The following TACC3 variants were observed in gnomAD, a reference collection of about 807,000 sequenced individuals.
TACC3 encodes transforming acidic coiled-coil-containing protein 3.
Under a neutral mutation model 86.0 loss-of-function variants are expected in TACC3, and 52 were observed. The observed-to-expected ratio is 0.60, with a 90% CI of 0.48 to 0.76. The LOEUF is 0.76. Ranked by LOEUF, TACC3 falls within the 30% of genes least tolerant of loss-of-function variation. The pLI, the probability that TACC3 is intolerant of heterozygous loss-of-function variation, is 0.00. For missense variants in TACC3, 1,120 were observed against 1,070.4 expected (o/e 1.05, Z -0.65); for synonymous variants, 512 against 430.0 (o/e 1.19, Z -2.36).
chr4:1,737,498 C>CT, intron 9 of TACC3, 100 bp from the exon 10 acceptor site: 2 of 1,153,040 alleles, frequency 1.7e-6, no homozygotes, highest in South Asian at 3.1e-5. Flanking sequence ...CATGCACTGT[C>CT]TGAGGCTCTT....
chr4:1,730,661 C>T, intron 4 of TACC3: 1 of 678,418 alleles, frequency 1.5e-6, no homozygotes, highest in Non-Finnish European at 2.7e-6. Flanking sequence ...GCCTGCTTCT[C>T]CCAGAGCTGG....
At chr4:1,737,471 C>T (rs1016003281) in intron 9 of TACC3, 127 bp from the exon 10 acceptor site, 132 of 1,084,506 alleles carry the variant, frequency 1.2e-4, no homozygotes, top group Non-Finnish European at 1.5e-4. Context: ...TCCCTCGCCG[C>T]ACTGTCTCGG....
Position 1,737,667 on chromosome 4 carries a change from C to T in TACC3, c.1906C>T (p.Leu636=), listed in dbSNP as rs1371867285. The part of the protein sequence containing the change: ...PPLSTGPIVD[L]LQYSQKDLDA... ...CCTGTCCACCGGACCTATAGTGGAC[C>T]TGCTCCAGTACAGCCAGAAGGACCT... The change falls in exon 10 of 16, where the codon CTG becomes TTG. Residue 636 remains leucine (L), a synonymous_variant. Transcript: ENST00000313288. 5 of 1,550,506 alleles carry T rather than the reference C, an allele frequency of 3.2e-6. No homozygotes were observed. The highest frequency in any genetic ancestry group is 3.5e-6 in the Non-Finnish European group (4 of 1,146,602).
intron 9 of TACC3, 56 bp downstream of exon 9, chr4:1,737,384 GT>G: frequency 1.3e-6 from 2 of 1,524,904 alleles, no homozygotes; most frequent in Non-Finnish European, 9.1e-7. Context: ...GGAACGAGTT[GT>G]TTTAAGGGCC....
At chr4:1,731,651 T>C (rs1398070157) in intron 6 of TACC3, among the ~76,000 whole-genome samples, 1 of 152,192 alleles carries the variant, frequency 6.6e-6, no homozygotes, top group Non-Finnish European at 1.5e-5. Flanking sequence ...TTCTTTTTTT[T>C]TTCTGAGATA....
chr4:1,740,367 G>A, intron 12 of TACC3: 1 of 404,796 alleles, frequency 2.5e-6, no homozygotes, highest in Non-Finnish European at 4.5e-6. Flanking sequence ...TGGCAGGACG[G>A]GAACACCAGG....
Position 1,728,531 on chromosome 4 carries a change from G to A in TACC3, c.1129G>A (p.Ala377Thr). The A allele has an allele frequency of 1.2e-6, 2 of 1,613,984 alleles. No individual in the cohort carries two copies. The highest frequency in any genetic ancestry group is 1.7e-6 in the Non-Finnish European group (2 of 1,179,980). The change falls in exon 4 of 16, where the codon GCC (alanine) becomes ACC (threonine). Residue 377 changes from alanine to threonine, a missense_variant. Ala to Thr is a moderately conservative substitution (Grantham distance 58, BLOSUM62 0). Coordinates refer to ENST00000313288, the MANE Select transcript of TACC3 (RefSeq NM_006342.3). The part of the protein sequence containing the change: ...LRKAAVRQQK[A>T]PQEVEEDDGR... Reference sequence around the variant, plus strand: ...GAAAGCAGCAGTGAGGCAGCAAAAGGCCCCGCAGGAGGTGGAGGAGGACGA... The same window carrying A: ...GAAAGCAGCAGTGAGGCAGCAAAAGACCCCGCAGGAGGTGGAGGAGGACGA...
At chr4:1,723,904 T>G in intron 3 of TACC3, 34 bp downstream of exon 3, 1 of 1,609,102 alleles carries the variant, frequency 6.2e-7, no homozygotes, top group Non-Finnish European at 8.5e-7. Context: ...TGCTGGAGCT[T>G]CACCCTCTCT....
rs369086652 is a variant in TACC3, at chr4:1,735,304, G to A, written c.1623G>A (p.Leu541=). The A allele has an allele frequency of 3.7e-6, 6 of 1,613,964 alleles. No homozygotes were observed. The highest frequency in any genetic ancestry group is 1.7e-5 in the Admixed American group (1 of 60,014). ...GCACGGGCGCGGAGGTGGATTACCT[G>A]GAGCAGTTTGGAACTTCCTCGGTAG... The part of the protein sequence containing the change: ...VLGTGAEVDY[L]EQFGTSSFKE... The change falls in exon 7 of 16, where the codon CTG becomes CTA. Residue 541 remains leucine (L), a synonymous_variant. Coordinates refer to ENST00000313288, the MANE Select transcript of TACC3 (RefSeq NM_006342.3). This position sits in a 1 kb window ranked among gnomAD's most constrained non-coding sequence, Gnocchi z 4.2.
intron 6 of TACC3, 124 bp downstream of exon 6, chr4:1,731,425 C>G: frequency 9.2e-7 from 1 of 1,090,264 alleles, no homozygotes; most frequent in South Asian, 1.5e-5. Flanking sequence ...GGTCCCTTGA[C>G]TTTGAATGAC....
Position 1,745,099 on chromosome 4 carries a change from CTT to C in TACC3, c.*87_*88del, listed in dbSNP as rs1380148753. On this transcript the variant is annotated 3_prime_UTR_variant, in exon 16 of 16. Coordinates refer to ENST00000313288, the MANE Select transcript of TACC3 (RefSeq NM_006342.3). ...TTAGGTGTCATGTTCTTTTTTCTGTCTTGTCTTCAACTTTTTTAAAAACTAGA... is the reference window on the plus strand; with the variant it reads ...TTAGGTGTCATGTTCTTTTTTCTGTCGTCTTCAACTTTTTTAAAAACTAGA... 7 of 1,389,616 alleles carry C rather than the reference CTT, an allele frequency of 5.0e-6. No individual in the cohort carries two copies. Among genetic ancestry groups the C allele is most frequent in the East Asian group, 5.0e-5 (2 of 39,910 alleles). The allele number at this position is 1,389,616 out of a possible 1,614,324, so 86.1% of individuals were successfully genotyped here.
chr4:1,728,847 G>T, intron 4 of TACC3, 60 bp downstream of exon 4: 1 of 1,492,312 alleles, frequency 6.7e-7, no homozygotes, highest in Admixed American at 2.1e-5. Flanking sequence ...AGTGTATGTG[G>T]TCCAGGACCC....
chr4:1,736,203 A>T (rs1388664748), intron 8 of TACC3, among the ~76,000 whole-genome samples: 1 of 151,612 alleles, frequency 6.6e-6, no homozygotes, highest in Non-Finnish European at 1.5e-5. Flanking sequence ...GTGGATGGAT[A>T]GCCTCAGCTC....
At chr4:1,726,475 G>C (rs1241375038) in intron 3 of TACC3, among the ~76,000 whole-genome samples, 1 of 152,228 alleles carries the variant, frequency 6.6e-6, no homozygotes, top group Non-Finnish European at 1.5e-5. Flanking sequence ...GATCTGTTGG[G>C]CATGTCCTCG....
intron 13 of TACC3, chr4:1,741,762 G>A (rs1400976322): frequency 6.6e-6 from 1 of 152,284 alleles, no homozygotes; most frequent in Non-Finnish European, 1.5e-5. Flanking sequence ...CCTCATCTGA[G>A]TCCTGAAGTC....
intron 12 of TACC3, chr4:1,740,571 C>T (rs560472424): frequency 1.4e-5 from 6 of 436,356 alleles, no homozygotes; most frequent in African/African-American, 8.1e-5. Context: ...GGGTGTTGGG[C>T]GCCGCCTCTT....
At chr4:1,741,135 C>T (rs527860274) in intron 13 of TACC3, 149 bp downstream of exon 13, 4 of 746,326 alleles carry the variant, frequency 5.4e-6, no homozygotes, top group Admixed American at 5.3e-5. Context: ...GTGAACGAGA[C>T]AGGGTGCAGG....
At position 1,737,128 on chromosome 4, in the gene TACC3, A is replaced by C. The variant is rs554336890; in HGVS notation, c.1749-113A>C. On this transcript the variant is annotated intron_variant, in intron 8 of 15. Coordinates refer to ENST00000313288, the MANE Select transcript of TACC3 (RefSeq NM_006342.3). ...CGTTTTCTACCACTACCCTGACTTG[A>C]GTGGTTTTAAACTAAAAAGCAAAGA... 3 of 815,820 alleles carry C rather than the reference A, an allele frequency of 3.7e-6. No homozygotes were observed. In the East Asian group the frequency reaches 7.6e-5, roughly 21 times the overall value. The allele number at this position is 815,820 out of a possible 1,614,324, so 50.5% of individuals were successfully genotyped here.
chr4:1,721,676 G>C (rs1717369635), intron 1 of TACC3, 33 bp downstream of exon 1: 2 of 151,898 alleles, frequency 1.3e-5, no homozygotes, highest in Admixed American at 1.3e-4. Context: ...CGGGGAGGCT[G>C]GGGTCCTGGG....
Sources: gnomAD v4.1 joint callset for allele counts (sites outside exome capture counted in the v4.1 genomes callset) on GRCh38, gnomAD v4.1.1 for gene constraint, Gnocchi (gnomAD v3.1) non-coding constraint, MANE v1.5 for transcripts, NCBI Gene and HGNC (gene_info 2026-07-23, HGNC 2026-07-21) for gene names.